The following PTPRG variants were observed in gnomAD, a reference collection of about 807,000 sequenced individuals.
PTPRG encodes receptor-type tyrosine-protein phosphatase gamma.
A neutral mutation model predicts 165.3 loss-of-function variants in PTPRG; 102 were observed. That is an observed-to-expected ratio of 0.62 (90% CI 0.53 to 0.73). The LOEUF is 0.73. PTPRG is among the 30% of genes least tolerant of loss of function. The pLI is 0.00. For synonymous variants in PTPRG, 675 were observed against 669.5 expected (o/e 1.01, Z -0.13); for missense variants, 1,866 against 1,861.4 (o/e 1.00, Z -0.05).
At chr3:62,010,133 G>A (rs1035016827) in intron 4 of PTPRG, among the ~76,000 whole-genome samples, 1 of 152,062 alleles carries the variant, frequency 6.6e-6, no homozygotes, top group Non-Finnish European at 1.5e-5. Context: ...TGCCCACGCT[G>A]GTCTTGAACT....
At chr3:61,920,771 CT>C (rs1448292749) in intron 2 of PTPRG, among the ~76,000 whole-genome samples, 1 of 152,136 alleles carries the variant, frequency 6.6e-6, no homozygotes. Context: ...CTTATGCCCC[CT>C]GAGATACACA....
At chr3:61,745,096 G>C (rs2033147198) in intron 1 of PTPRG, among the ~76,000 whole-genome samples, 1 of 128,850 alleles carries the variant, frequency 7.8e-6, no homozygotes, top group African/African-American at 3.0e-5. Flanking sequence ...CTGTTGCCAG[G>C]CTGGAGTGCA....
At chr3:61,728,957 G>C (rs952433741) in intron 1 of PTPRG, among the ~76,000 whole-genome samples, 3 of 151,844 alleles carry the variant, frequency 2.0e-5, no homozygotes, top group African/African-American at 4.8e-5. Context: ...GGTTACTTGA[G>C]AGTTTGAGAT....
rs749800087 is a variant in PTPRG at position 61,815,242 on chromosome 3, C to CA, written c.190+66278dup. On this transcript the variant is annotated intron_variant, in intron 2 of 29. Coordinates refer to ENST00000474889, the MANE Select transcript of PTPRG (RefSeq NM_002841.4). ...CGAAACCCTGTCTCTACTAAAAATA[C>CA]AAAAAAAAAAAAAAAAAATCAGTTG... Among the ~76,000 whole-genome samples, 1,078 of 110,152 alleles carry CA rather than the reference C, an allele frequency of 9.8e-3. 4 individuals are homozygous for CA. The highest frequency in any genetic ancestry group is 0.023 in the African/African-American group (763 of 32,540). The allele number at this position is 110,152 out of a possible 152,430, so 72.3% of individuals were successfully genotyped here. A position where few individuals can be genotyped will look rare whatever the true frequency, so the allele number is the denominator to read the frequency against.
At chr3:62,188,480 G>C (rs1430033257) in intron 8 of PTPRG, among the ~76,000 whole-genome samples, 1 of 152,176 alleles carries the variant, frequency 6.6e-6, no homozygotes, top group African/African-American at 2.4e-5. Context: ...ACTGCATGTT[G>C]GAGTCCCAGA....
intron 2 of PTPRG, among the ~76,000 whole-genome samples, chr3:61,892,724 G>A (rs1227612524): frequency 6.6e-6 from 1 of 151,986 alleles, no homozygotes; most frequent in Non-Finnish European, 1.5e-5. Context: ...GCTGAGGCAG[G>A]AGAATCGCCT....
chr3:61,918,748 CCTTA>C (rs1225885445), intron 2 of PTPRG, among the ~76,000 whole-genome samples: 2 of 152,076 alleles, frequency 1.3e-5, no homozygotes, highest in Non-Finnish European at 2.9e-5. Flanking sequence ...TGGGAAATGC[CCTTA>C]CTGTCACTGA....
chr3:61,722,713 G>C (rs2032102160), intron 1 of PTPRG, among the ~76,000 whole-genome samples: 1 of 152,174 alleles, frequency 6.6e-6, no homozygotes, highest in African/African-American at 2.4e-5. Flanking sequence ...GTTAGGAAAT[G>C]AGTAACGGTG....
chr3:61,989,696 A>G lies in PTPRG; in HGVS notation c.262A>G (p.Ile88Val), dbSNP rs2040838505. Residue 88 changes from isoleucine (I) to valine (V), a missense_variant, in exon 3 of 30, where the codon ATT becomes GTT. This residue lies in a region of PTPRG where 408 missense variants were observed against 376.2 expected (regional missense o/e 1.08). Transcript: ENST00000474889. The part of the protein sequence containing the change: ...CGGRHQSPID[I>V]LDQYARVGEE... ...GGGCCGTCACCAGTCTCCTATTGAC[A>G]TTTTAGACCAGTATGCGCGTGTTGG... 4 of 1,614,160 alleles carry G rather than the reference A, an allele frequency of 2.5e-6. No homozygotes were observed. The highest frequency in any genetic ancestry group is 3.4e-6 in the Non-Finnish European group (4 of 1,180,014).
At position 62,210,917 on chromosome 3, in the gene PTPRG, A is replaced by G. The variant is rs1224425415; in HGVS notation, c.2155+6967A>G. ...GTCATCAGTAGGCTATTAGCAGGAAAGCTTTTGGAGACTCAAAAGTTATAC... is the reference window on the plus strand; with the variant it reads ...GTCATCAGTAGGCTATTAGCAGGAAGGCTTTTGGAGACTCAAAAGTTATAC... On this transcript the variant is annotated intron_variant, in intron 12 of 29. Coordinates refer to ENST00000474889, the MANE Select transcript of PTPRG (RefSeq NM_002841.4). The surrounding 1 kb of genome is among the most constrained non-coding windows in gnomAD (Gnocchi z 4.1). Among the ~76,000 whole-genome samples the G allele has an allele frequency of 2.0e-5, 3 of 152,208 alleles. No individual in the cohort carries two copies. Among genetic ancestry groups the G allele is most frequent in the African/African-American group, 7.2e-5 (3 of 41,450 alleles).
At chr3:62,020,482 A>C (rs138988142) in intron 4 of PTPRG, among the ~76,000 whole-genome samples, 15 of 152,380 alleles carry the variant, frequency 9.8e-5, no homozygotes, top group African/African-American at 3.4e-4. Context: ...TGTTCATTAC[A>C]AAGTAATTCA....
In PTPRG at chr3:61,939,795, A is replaced by G. The variant is rs547484020; in HGVS notation, c.191-49830A>G. 1.7e-4 allele frequency among the ~76,000 whole-genome samples: 26 copies of G among 152,286 alleles called. No homozygotes were observed. The South Asian group carries it at 5.2e-3, about 30-fold the overall frequency. On this transcript the variant is annotated intron_variant, in intron 2 of 29. Coordinates refer to ENST00000474889, the MANE Select transcript of PTPRG (RefSeq NM_002841.4). ...ATGGAGTTTCTGCAGCTGGAGCACC[A>G]TGTGCAGCTCCATGGGCTTTGCAAT...
rs1700431077 is a variant in PTPRG at position 62,213,958 on chromosome 3, G to T, written c.2156-4893G>T. Among the ~76,000 whole-genome samples the T allele has an allele frequency of 6.6e-6, 1 of 152,084 alleles. No homozygotes were observed. Among genetic ancestry groups the T allele is most frequent in the African/African-American group, 2.4e-5 (1 of 41,412 alleles). On this transcript the variant is annotated intron_variant, in intron 12 of 29. Transcript: ENST00000474889. The surrounding 1 kb of genome is among the most constrained non-coding windows in gnomAD (Gnocchi z 4.4). ...CCTATAATCCCAGCACTTTGAGTGG[G>T]GGCTGAGGCAGGAGGATCCCTTGAG...
intron 7 of PTPRG, among the ~76,000 whole-genome samples, chr3:62,158,634 C>G (rs561333538): frequency 2.6e-5 from 4 of 152,158 alleles, no homozygotes; most frequent in Admixed American, 2.6e-4. Context: ...TCCAGTGTTA[C>G]CTGTCAGTGG....
intron 4 of PTPRG, among the ~76,000 whole-genome samples, chr3:62,036,015 G>A (rs1280210560): frequency 1.3e-5 from 2 of 149,908 alleles, no homozygotes; most frequent in Non-Finnish European, 2.9e-5. Context: ...GCCAGACAGT[G>A]CTCTGTGCAT....
intron 4 of PTPRG, among the ~76,000 whole-genome samples, chr3:62,045,608 G>A (rs1202601959): frequency 1.3e-5 from 2 of 152,144 alleles, no homozygotes; most frequent in East Asian, 1.9e-4. Context: ...GCTGTTTTCT[G>A]TACCTGTCAA....
intron 8 of PTPRG, among the ~76,000 whole-genome samples, chr3:62,173,108 C>G (rs2106750306): frequency 6.6e-6 from 1 of 152,308 alleles, no homozygotes; most frequent in South Asian, 2.1e-4. Context: ...TGCACATAAC[C>G]TGAACACATC....
intron 2 of PTPRG, among the ~76,000 whole-genome samples, chr3:61,755,169 G>A (rs921308158): frequency 3.9e-5 from 6 of 151,998 alleles, no homozygotes; most frequent in Non-Finnish European, 7.4e-5. Context: ...CACCACGCCC[G>A]ACTAATTTTT....
intron 1 of PTPRG, among the ~76,000 whole-genome samples, chr3:61,708,949 C>G (rs1001260321): frequency 2.0e-5 from 3 of 152,168 alleles, no homozygotes; most frequent in African/African-American, 4.8e-5. Context: ...AAGGTTTGGC[C>G]GGTTTGGATT....
Sources: allele counts gnomAD v4.1 joint callset (sites outside exome capture counted in the v4.1 genomes callset), GRCh38; gene constraint gnomAD v4.1.1; regional missense constraint gnomAD v4.1.1; non-coding constraint Gnocchi (gnomAD v3.1); transcripts MANE v1.5; gene names NCBI Gene and HGNC (gene_info 2026-07-23, HGNC 2026-07-21).